Variants in WDR27 observed in about 807,000 individuals in gnomAD.
WDR27 encodes the protein WD repeat domain 27, also known as WD repeat-containing protein 27.
In WDR27, 100 loss-of-function variants were observed where a neutral mutation model predicts 114.4. The observed-to-expected ratio is 0.87, with a 90% confidence interval of 0.74 to 1.03. The LOEUF (loss-of-function observed/expected upper bound fraction) is 1.03, where lower values mean the gene tolerates loss of function less well. Ranked by LOEUF, WDR27 falls within the 50% of genes least tolerant of loss-of-function variation. The probability of loss-of-function intolerance (pLI) is 0.00; values close to 1 mark genes in which losing one functional copy is unlikely to be tolerated. For missense variants in WDR27, 1,129 were observed against 1,092.9 expected, an observed-to-expected ratio of 1.03 and a Z score of -0.47; for synonymous variants, 449 against 423.1, an observed-to-expected ratio of 1.06 and a Z score of -0.75.
intron 1 of WDR27, among the ~76,000 whole-genome samples, chr6:169,693,233 A>G (rs1232313402): frequency 1.3e-5 from 2 of 152,132 alleles, no homozygotes; most frequent in African/African-American, 2.4e-5. Flanking sequence ...TTTTGTATCC[A>G]GCAAAATTAA....
chr6:169,578,035 T>C (rs1267034939), intron 24 of WDR27, among the ~76,000 whole-genome samples: 1 of 152,186 alleles, frequency 6.6e-6, no homozygotes, highest in African/African-American at 2.4e-5. Flanking sequence ...CACCCATTGA[T>C]TCCCCTATTC....
intron 19 of WDR27, among the ~76,000 whole-genome samples, chr6:169,634,909 T>A (rs1347472727): frequency 1.3e-5 from 2 of 152,044 alleles, no homozygotes; most frequent in East Asian, 3.9e-4. Flanking sequence ...GAAACCCAAC[T>A]GAAGTGCCTG....
chr6:169,646,966 C>A (rs377083035), intron 16 of WDR27, among the ~76,000 whole-genome samples: 1 of 152,036 alleles, frequency 6.6e-6, no homozygotes, highest in Non-Finnish European at 1.5e-5. Flanking sequence ...ACATGGTAAC[C>A]CTTAGGCGAC....
intron 25 of WDR27, among the ~76,000 whole-genome samples, chr6:169,489,993 T>A (rs149582118): frequency 8.5e-5 from 13 of 152,296 alleles, no homozygotes; most frequent in African/African-American, 3.1e-4. Flanking sequence ...GCATTCACAC[T>A]GGGTTGGAGA....
intron 23 of WDR27, among the ~76,000 whole-genome samples, chr6:169,585,236 CAAT>C (rs1351979305): frequency 1.3e-5 from 2 of 152,016 alleles, no homozygotes; most frequent in East Asian, 1.9e-4. Flanking sequence ...TTGACCTTGG[CAAT>C]AATATTTTGA....
chr6:169,576,470 T>C (rs1802352285), intron 24 of WDR27, among the ~76,000 whole-genome samples: 1 of 152,176 alleles, frequency 6.6e-6, no homozygotes, highest in South Asian at 2.1e-4. Context: ...AAATAAATTA[T>C]TTTTCAGACC....
chr6:169,615,514 G>A (rs766821712), intron 21 of WDR27, among the ~76,000 whole-genome samples: 19 of 152,240 alleles, frequency 1.2e-4, no homozygotes, highest in Non-Finnish European at 2.4e-4. Flanking sequence ...CAACAAAGCC[G>A]ACAAAAACAA....
chr6:169,664,434 G>A (rs1827195134), intron 7 of WDR27, 148 bp from the exon 8 acceptor site: 4 of 1,508,640 alleles, frequency 2.7e-6, no homozygotes, highest in Non-Finnish European at 3.5e-6. Flanking sequence ...GCTGTCTCCT[G>A]CCTTCAACAT....
chr6:169,583,512 T>TACAC (rs145440232), intron 23 of WDR27, among the ~76,000 whole-genome samples: 1,214 of 38,822 alleles, frequency 0.031, 23 homozygotes, highest in African/African-American at 0.063. Context: ...TATGTATATA[T>TACAC]ACACACACAC....
In WDR27 at chr6:169,623,281, G is replaced by C. The variant is rs904088808; in HGVS notation, c.2224-9625C>G. ...CCTCTGACCTGACCAATCAGAACTC[G>C]TGATTCACTGACTCCACCCACCCAC... On this transcript the variant is annotated intron_variant, in intron 21 of 25. Coordinates refer to ENST00000448612, the MANE Select transcript of WDR27 (RefSeq NM_182552.5). Among the ~76,000 whole-genome samples, 16 of 152,142 alleles carry C rather than the reference G, an allele frequency of 1.1e-4. 1 individual carries two copies. The highest frequency in any genetic ancestry group is 9.8e-4 in the Admixed American group (15 of 15,270).
intron 25 of WDR27, among the ~76,000 whole-genome samples, chr6:169,490,472 T>C (rs1049431898): frequency 6.6e-6 from 1 of 152,236 alleles, no homozygotes; most frequent in Non-Finnish European, 1.5e-5. Context: ...TTCTGTGGAC[T>C]TTCCACTGCA....
In WDR27 at chr6:169,659,463, A is replaced by C. The variant is rs751032547; in HGVS notation, c.1185T>G (p.Thr395=). 1.2e-6 allele frequency: 2 copies of C among 1,609,372 alleles called. No individual in the cohort carries two copies. Among genetic ancestry groups the C allele is most frequent in the South Asian group, 2.2e-5 (2 of 90,052 alleles). ...LAGSCALRNR[T]ADQKVLCLLA... is the part of the protein sequence containing the mutation. ...TCTCAGGACTGACCTTTTGATCCGC[A>C]GTGCGGTTCCTCAGGGCACACGATC... Residue 395 remains threonine (T), a synonymous_variant, in exon 11 of 26, where the codon ACT becomes ACG. Coordinates refer to ENST00000448612, the MANE Select transcript of WDR27 (RefSeq NM_182552.5). The surrounding 1 kb of genome is among the most constrained non-coding windows in gnomAD (Gnocchi z 4.3).
At chr6:169,432,914 G>A in the WDR27 span, among the ~76,000 whole-genome samples, 1 of 152,144 alleles carries the variant, frequency 6.6e-6, no homozygotes, top group Non-Finnish European at 1.5e-5. Flanking sequence ...TAGAAGACAG[G>A]AAAATGAGGG....
chr6:169,475,383 TG>T (rs1243815504), intron 25 of WDR27, among the ~76,000 whole-genome samples: 1 of 152,032 alleles, frequency 6.6e-6, no homozygotes, highest in Non-Finnish European at 1.5e-5. Context: ...CCACCATACC[TG>T]GCTAATTTTT....
At chr6:169,550,362 A>G (rs1797936783) in intron 25 of WDR27, among the ~76,000 whole-genome samples, 1 of 152,230 alleles carries the variant, frequency 6.6e-6, no homozygotes, top group Non-Finnish European at 1.5e-5. Flanking sequence ...CCACAGATCC[A>G]GTTAATGCTT....
chr6:169,507,825 G>A (rs1424917417), intron 25 of WDR27, among the ~76,000 whole-genome samples: 2 of 152,116 alleles, frequency 1.3e-5, no homozygotes, highest in Non-Finnish European at 2.9e-5. Flanking sequence ...CTTGACACAT[G>A]GTGAAGTGGA....
intron 25 of WDR27, among the ~76,000 whole-genome samples, chr6:169,547,127 C>T (rs1797554750): frequency 6.6e-6 from 1 of 152,090 alleles, no homozygotes; most frequent in Admixed American, 6.6e-5. Flanking sequence ...AAAACTCACA[C>T]AAGAAGAAAC....
intron 25 of WDR27, among the ~76,000 whole-genome samples, chr6:169,514,934 C>T (rs1158766592): frequency 2.6e-5 from 4 of 151,598 alleles, no homozygotes; most frequent in Admixed American, 2.0e-4. Context: ...CAGCAAACAT[C>T]AAACTTAGTG....
chr6:169,642,659 C>T (rs1041457695), intron 17 of WDR27, among the ~76,000 whole-genome samples: 3 of 152,096 alleles, frequency 2.0e-5, no homozygotes, highest in Non-Finnish European at 4.4e-5. Context: ...CTCTGCCTGC[C>T]CTTGGGGGCC....
Sources: allele counts gnomAD v4.1 joint callset (sites outside exome capture counted in the v4.1 genomes callset), GRCh38; gene constraint gnomAD v4.1.1; non-coding constraint Gnocchi (gnomAD v3.1); transcripts MANE v1.5; gene names NCBI Gene and HGNC (gene_info 2026-07-23, HGNC 2026-07-21).